RFX7: variants seen among roughly 807,000 people sequenced by gnomAD.
The protein encoded by RFX7 is DNA-binding protein RFX7.
RFX7 carries 26 observed loss-of-function variants against 111.8 expected under a neutral mutation model. The ratio of observed to expected loss-of-function variants is 0.23; its 90% CI spans 0.17 to 0.32. RFX7 has a LOEUF of 0.32. Among genes scored for constraint, RFX7 ranks in the 10% least tolerant of loss-of-function variants. The probability of loss-of-function intolerance (pLI) is 1.00; values close to 1 mark genes in which losing one functional copy is unlikely to be tolerated. For synonymous variants in RFX7, 624 were observed against 624.4 expected (o/e 1.00, Z 0.01); for missense variants, 1,573 against 1,772.9 (o/e 0.89, Z 2.02).
intron 2 of RFX7, chr15:56,192,457 C>T (rs1448241206): frequency 1.4e-5 from 3 of 207,500 alleles, no homozygotes; most frequent in Non-Finnish European, 3.1e-5. Context: ...GTATCTATTT[C>T]ATGCCATCCA....
intron 5 of RFX7, among the ~76,000 whole-genome samples, chr15:56,137,461 A>T (rs565652900): frequency 2.6e-4 from 40 of 151,972 alleles, no homozygotes; most frequent in Non-Finnish European, 4.4e-4. Context: ...TGGTGGTGAT[A>T]TCCCCTTTAT....
chr15:56,236,592 G>A (rs146083260), intron 2 of RFX7, among the ~76,000 whole-genome samples: 1 of 152,106 alleles, frequency 6.6e-6, no homozygotes, highest in Non-Finnish European at 1.5e-5. Flanking sequence ...ATTCTGTCAC[G>A]ATTACTTATT....
chr15:56,091,770 C>T lies in RFX7; in HGVS notation c.*1575G>A, dbSNP rs552585509. 4 of 152,496 alleles carry T rather than the reference C, an allele frequency of 2.6e-5. No individual in the cohort carries two copies. The highest frequency in any genetic ancestry group is 2.1e-4 in the South Asian group (1 of 4,828). The allele number at this position is 152,496 out of a possible 1,614,324, so 9.4% of individuals were successfully genotyped here. ...AGACATATCAATATATAAACCTCTG[C>T]GCCAACTCTAGCACCATTTATTTAT... is the stretch of plus-strand genomic sequence containing the variant. On this transcript the variant is annotated 3_prime_UTR_variant, in exon 10 of 10. Transcript: ENST00000559447.
At chr15:56,113,670 TA>T (rs11449454) in intron 5 of RFX7, among the ~76,000 whole-genome samples, 36 of 146,552 alleles carry the variant, frequency 2.5e-4, no homozygotes, top group Admixed American at 4.8e-4. Context: ...AAAATAAAAT[TA>T]AAAAAAAAAA....
At chr15:56,235,548 C>T (rs556377367) in intron 2 of RFX7, among the ~76,000 whole-genome samples, 1 of 152,230 alleles carries the variant, frequency 6.6e-6, no homozygotes, top group South Asian at 2.1e-4. Context: ...TGGTTTATAC[C>T]TTAAAACTAG....
intron 5 of RFX7, among the ~76,000 whole-genome samples, chr15:56,136,345 T>G (rs1163040336): frequency 2.5e-4 from 36 of 142,816 alleles, no homozygotes; most frequent in African/African-American, 9.5e-4. Context: ...CCTTGTAAGT[T>G]GGATTCCTAG....
intron 3 of RFX7, among the ~76,000 whole-genome samples, chr15:56,173,771 C>A (rs2042871936): frequency 6.6e-6 from 1 of 150,840 alleles, no homozygotes; most frequent in African/African-American, 2.4e-5. Flanking sequence ...GCAGCCCGGA[C>A]AACAAGAGTG....
upstream of RFX7, chr15:56,243,963 G>A (rs1441355709): frequency 7.3e-5 from 11 of 149,956 alleles, no homozygotes; most frequent in African/African-American, 2.4e-4. Context: ...CGGGCGCGAC[G>A]GGCCGGGATG....
intron 3 of RFX7, among the ~76,000 whole-genome samples, chr15:56,178,096 G>A (rs2042921786): frequency 6.7e-6 from 1 of 148,470 alleles, no homozygotes; most frequent in South Asian, 2.1e-4. Flanking sequence ...TTTGTAAAAG[G>A]GAGGTAACAA....
chr15:56,155,072 T>C (rs1380344561), intron 3 of RFX7, among the ~76,000 whole-genome samples: 1 of 152,078 alleles, frequency 6.6e-6, no homozygotes, highest in Non-Finnish European at 1.5e-5. Context: ...GGAACCACAA[T>C]AAGATACCAT....
intron 2 of RFX7, among the ~76,000 whole-genome samples, chr15:56,218,001 G>C (rs2043380315): frequency 2.6e-5 from 4 of 151,464 alleles, no homozygotes; most frequent in Non-Finnish European, 5.9e-5. Context: ...AAACACTCAG[G>C]GGGAAAAAAA....
At chr15:56,142,738 C>G (rs1343427520) in intron 5 of RFX7, 40 bp downstream of exon 5, 1 of 1,581,322 alleles carries the variant, frequency 6.3e-7, no homozygotes, top group East Asian at 2.2e-5. Context: ...TATTTTACCT[C>G]TTTAATATAT....
At chr15:56,237,938 T>A (rs2141243099) in intron 2 of RFX7, among the ~76,000 whole-genome samples, 1 of 152,276 alleles carries the variant, frequency 6.6e-6, no homozygotes, top group East Asian at 1.9e-4. Flanking sequence ...GAAGACAGGC[T>A]AAACTCAGGG....
intron 2 of RFX7, among the ~76,000 whole-genome samples, chr15:56,230,497 C>T (rs2043540113): frequency 1.3e-5 from 2 of 152,128 alleles, no homozygotes; most frequent in South Asian, 2.1e-4. Flanking sequence ...AAAATTACCA[C>T]ATTATGTTAT....
intron 3 of RFX7, among the ~76,000 whole-genome samples, chr15:56,166,801 C>G (rs1270727632): frequency 6.6e-6 from 1 of 152,066 alleles, no homozygotes; most frequent in African/African-American, 2.4e-5. Context: ...GTCACCCAGA[C>G]TGTACTGTGG....
intron 5 of RFX7, among the ~76,000 whole-genome samples, chr15:56,109,976 CCCCT>C (rs1567010971): frequency 3.5e-5 from 5 of 140,966 alleles, no homozygotes; most frequent in African/African-American, 1.3e-4. Context: ...GGGGATCAGC[CCCCT>C]GCCCGGCCAG....
intron 4 of RFX7, 30 bp downstream of exon 4, chr15:56,144,371 T>A (rs751229737): frequency 7.2e-6 from 9 of 1,249,180 alleles, no homozygotes; most frequent in Non-Finnish European, 9.8e-6. Flanking sequence ...ATAAACAGCA[T>A]AATTATAGCA....
rs532426178 is a variant in RFX7, at chr15:56,149,822, C to A, written c.196-5339G>T. Among the ~76,000 whole-genome samples the A allele has an allele frequency of 1.1e-4, 16 of 151,712 alleles. No homozygotes were observed. The South Asian group carries it at 3.3e-3, about 32-fold the overall frequency. Reference sequence around the variant, plus strand: ...GGAGCTTTTTTTTTTTTCTTCTTTGCCATACCCCAGTGGCATGTGGAATGC... The same window carrying A: ...GGAGCTTTTTTTTTTTTCTTCTTTGACATACCCCAGTGGCATGTGGAATGC... On this transcript the variant is annotated intron_variant, in intron 3 of 9. Coordinates refer to ENST00000559447, the MANE Select transcript of RFX7 (RefSeq NM_022841.7).
intron 2 of RFX7, among the ~76,000 whole-genome samples, chr15:56,205,648 G>A (rs2043242445): frequency 2.0e-5 from 3 of 152,292 alleles, no homozygotes; most frequent in South Asian, 4.1e-4. Context: ...AACAGAAGAT[G>A]AGAGAAAACT....
Sources: gnomAD v4.1 joint callset for allele counts (sites outside exome capture counted in the v4.1 genomes callset) on GRCh38, gnomAD v4.1.1 for gene constraint, MANE v1.5 for transcripts, NCBI Gene and HGNC (gene_info 2026-07-23, HGNC 2026-07-21) for gene names.